TEX2: variants seen among roughly 807,000 people sequenced by gnomAD.
TEX2 encodes the protein testis expressed 2.
Under a neutral mutation model 106.9 loss-of-function variants are expected in TEX2, and 53 were observed. The ratio of observed to expected loss-of-function variants is 0.50; its 90% CI spans 0.40 to 0.62. The LOEUF (loss-of-function observed/expected upper bound fraction) is 0.62, where lower values mean the gene tolerates loss of function less well. Among genes scored for constraint, TEX2 ranks in the 20% least tolerant of loss-of-function variants. The pLI is 0.00. For missense variants in TEX2, 1,207 were observed against 1,379.0 expected (o/e 0.88, Z 1.98); for synonymous variants, 523 against 534.8 (o/e 0.98, Z 0.30).
intron 2 of TEX2, among the ~76,000 whole-genome samples, chr17:64,199,759 T>G (rs782534524): frequency 7.9e-5 from 12 of 152,228 alleles, no homozygotes; most frequent in Non-Finnish European, 1.5e-4. Flanking sequence ...TCCAACTAGC[T>G]ACACTTCAAG....
intron 1 of TEX2, among the ~76,000 whole-genome samples, chr17:64,215,383 T>C (rs1555632525): frequency 6.6e-6 from 1 of 152,148 alleles, no homozygotes; most frequent in Non-Finnish European, 1.5e-5. Flanking sequence ...TGTAGTGGGA[T>C]GAGCATGATT....
At position 64,205,353 on chromosome 17, in the gene TEX2, T is replaced by C. The variant is rs1555630630; in HGVS notation, c.1644+7221A>G. Among the ~76,000 whole-genome samples the C allele has an allele frequency of 6.6e-6, 1 of 152,130 alleles. No individual in the cohort carries two copies. The highest frequency in any genetic ancestry group is 2.4e-5 in the African/African-American group (1 of 41,416). On this transcript the variant is annotated intron_variant, in intron 2 of 11. Transcript: ENST00000584379. The surrounding 1 kb of genome is among the most constrained non-coding windows in gnomAD (Gnocchi z 4.0). The stretch of plus-strand genomic sequence containing the variant: ...ACAAACAAACATCTCACCTGAAAAC[T>C]ATTCTACAAGGGGCACTGGGAAATA...
rs146475430 is a variant in TEX2 at position 64,216,858 on chromosome 17, C to T, written c.-25-2616G>A. ...GGGCGGACAGAGCTGAAGGTGGGCC[C>T]CAGGGAGAGCTGGGTGTCAGGTGGC... On this transcript the variant is annotated intron_variant, in intron 1 of 11. Transcript: ENST00000584379. Among the ~76,000 whole-genome samples, 944 of 152,254 alleles carry T rather than the reference C, an allele frequency of 6.2e-3. 9 individuals carry two copies. The highest frequency in any genetic ancestry group is 0.022 in the African/African-American group (905 of 41,546).
chr17:64,222,563 G>A (rs1252840694), intron 1 of TEX2, among the ~76,000 whole-genome samples: 2 of 149,076 alleles, frequency 1.3e-5, no homozygotes, highest in African/African-American at 4.9e-5. Context: ...AAGATGGGAG[G>A]ACTGCTTAAG....
At position 64,154,935 on chromosome 17, in the gene TEX2, C is replaced by A; in HGVS notation, c.2837G>T (p.Ser946Ile). The A allele has an allele frequency of 6.2e-7, 1 of 1,605,404 alleles. No homozygotes were observed. The highest frequency in any genetic ancestry group is 1.3e-5 in the African/African-American group (1 of 74,792). The change falls in exon 9 of 12, where the codon AGC (serine) becomes ATC (isoleucine). Residue 946 changes from serine (S) to isoleucine (I), a missense_variant. Ser to Ile is a moderately radical substitution (Grantham distance 142). Transcript: ENST00000584379. ...GCCAGCGCTGGAGGATTCCTCATCG[C>A]TGTCCGCCAGACAGAATGCCCGGGG... ...CRPRAFCLAD[S>I]DEESSSAGSS...
chr17:64,246,268 CAG>C (rs1392457775), intron 1 of TEX2, among the ~76,000 whole-genome samples: 3 of 152,092 alleles, frequency 2.0e-5, no homozygotes, highest in Non-Finnish European at 2.9e-5. Flanking sequence ...CTTTTTTTGA[CAG>C]AGTCTCGCTC....
At chr17:64,222,518 C>CAAAAAA (rs11296538) in intron 1 of TEX2, among the ~76,000 whole-genome samples, 3 of 99,116 alleles carry the variant, frequency 3.0e-5, no homozygotes, top group Non-Finnish European at 4.1e-5. Context: ...TTCCAACTCA[C>CAAAAAA]AAAAAAAAAA....
At chr17:64,253,410 C>T (rs868921033) in intron 1 of TEX2, among the ~76,000 whole-genome samples, 1 of 151,746 alleles carries the variant, frequency 6.6e-6, no homozygotes, top group African/African-American at 2.4e-5. Flanking sequence ...GGCAGTCCTC[C>T]CACCTCAGCC....
chr17:64,206,782 T>G (rs1555630821), intron 2 of TEX2, among the ~76,000 whole-genome samples: 1 of 152,086 alleles, frequency 6.6e-6, no homozygotes, highest in Admixed American at 6.6e-5. Context: ...CAGGCTGGTC[T>G]TGAACTCCTG....
rs147185315 is a variant in TEX2, at chr17:64,154,798, T to G, written c.2930+44A>C. ...AAGGTTCACTCCCAACTTGCTGTCC[T>G]GATCCCTGGAGACTCAGAGGCACAG... On this transcript the variant is annotated intron_variant, in intron 9 of 11. Coordinates refer to ENST00000584379, the MANE Select transcript of TEX2 (RefSeq NM_001288732.2). 999 of 1,520,700 alleles carry G rather than the reference T, an allele frequency of 6.6e-4. 1 individual carries two copies. The highest frequency in any genetic ancestry group is 8.2e-4 in the Non-Finnish European group (933 of 1,133,248). The allele number at this position is 1,520,700 out of a possible 1,614,324, so 94.2% of individuals were successfully genotyped here.
At position 64,148,819 on chromosome 17, in the gene TEX2, T is replaced by G; in HGVS notation, c.*150A>C. On this transcript the variant is annotated 3_prime_UTR_variant, in exon 12 of 12. Coordinates refer to ENST00000584379, the MANE Select transcript of TEX2 (RefSeq NM_001288732.2). ...AGATGCAGGGAATGACACCTCACAG[T>G]GGAATGGGCACTGGCAGGCAGAGGG... 1.1e-6 allele frequency: 1 copy of G among 910,038 alleles called. No homozygotes were observed. Among genetic ancestry groups the G allele is most frequent in the Non-Finnish European group, 1.6e-6 (1 of 613,352 alleles). 56.4% of individuals were successfully genotyped at this position (910,038 alleles called of 1,614,324 possible).
intron 7 of TEX2, among the ~76,000 whole-genome samples, chr17:64,161,936 C>A (rs1429122856): frequency 6.6e-6 from 1 of 152,078 alleles, no homozygotes; most frequent in Non-Finnish European, 1.5e-5. Context: ...GCATTGTTTT[C>A]AAGCAATTAC....
chr17:64,162,447 A>C (rs188196491), intron 7 of TEX2, among the ~76,000 whole-genome samples: 46 of 152,356 alleles, frequency 3.0e-4, no homozygotes, highest in African/African-American at 1.1e-3. Flanking sequence ...ATATACATCC[A>C]AACATAATCG....
intron 1 of TEX2, among the ~76,000 whole-genome samples, chr17:64,225,420 G>T (rs2033477572): frequency 6.6e-6 from 1 of 152,200 alleles, no homozygotes; most frequent in Admixed American, 6.5e-5. Flanking sequence ...TGCTAGGGGT[G>T]AGGAAAGAAT....
Position 64,194,998 on chromosome 17 carries a change from A to T in TEX2, c.1742T>A (p.Leu581His), listed in dbSNP as rs1257065908. The change falls in exon 3 of 12, where the codon CTT (leucine) becomes CAT (histidine). Residue 581 changes from leucine (L) to histidine (H), a missense_variant. Around this residue, in one of 3 missense-constraint regions of TEX2, gnomAD observed 1,067 missense variants for 1,193.6 expected, o/e 0.89. Coordinates refer to ENST00000584379, the MANE Select transcript of TEX2 (RefSeq NM_001288732.2). ...FVRLEGGTLR[L>H]SKPNKNISRR... Reference sequence around the variant, plus strand: ...GGATATATTTTTATTGGGCTTTGAAAGTCTTAAGGTTCCACCCTCAAGTCG... The same window carrying T: ...GGATATATTTTTATTGGGCTTTGAATGTCTTAAGGTTCCACCCTCAAGTCG... The T allele has an allele frequency of 6.2e-7, 1 of 1,614,186 alleles. No homozygotes were observed. The highest frequency in any genetic ancestry group is 1.1e-5 in the South Asian group (1 of 91,086).
intron 6 of TEX2, among the ~76,000 whole-genome samples, chr17:64,176,794 G>A (rs1381964324): frequency 6.6e-6 from 1 of 152,212 alleles, no homozygotes; most frequent in African/African-American, 2.4e-5. Context: ...CCCAGCTTGA[G>A]AGGGAGCACA....
intron 8 of TEX2, among the ~76,000 whole-genome samples, chr17:64,158,930 CATTTT>C (rs755015293): frequency 7.2e-5 from 11 of 152,146 alleles, no homozygotes; most frequent in Non-Finnish European, 1.5e-4. Flanking sequence ...AGAAGCAAAA[CATTTT>C]ATAACAGACT....
intron 1 of TEX2, among the ~76,000 whole-genome samples, chr17:64,235,214 G>C (rs2033741739): frequency 6.6e-6 from 1 of 152,120 alleles, no homozygotes; most frequent in Non-Finnish European, 1.5e-5. Context: ...TAATACACGA[G>C]GAAAAAGAAA....
chr17:64,218,109 G>A (rs112004798), intron 1 of TEX2, among the ~76,000 whole-genome samples: 9 of 152,064 alleles, frequency 5.9e-5, no homozygotes, highest in African/African-American at 1.9e-4. Flanking sequence ...GGCTGGGCAC[G>A]GTGGCTCACA....
Sources: allele counts gnomAD v4.1 joint callset (sites outside exome capture counted in the v4.1 genomes callset), GRCh38; gene constraint gnomAD v4.1.1; regional missense constraint gnomAD v4.1.1; non-coding constraint Gnocchi (gnomAD v3.1); transcripts MANE v1.5; gene names NCBI Gene and HGNC (gene_info 2026-07-23, HGNC 2026-07-21).